CORIN: variants seen among roughly 807,000 people sequenced by gnomAD.
CORIN encodes the protein corin, serine peptidase.
A neutral mutation model predicts 125.3 loss-of-function variants in CORIN; 117 were observed. The observed-to-expected ratio is 0.93, with a 90% confidence interval of 0.80 to 1.09. The LOEUF is 1.09. Ranked by LOEUF, CORIN falls within the 50% of genes least tolerant of loss-of-function variation. CORIN has a pLI of 0.00. For missense variants in CORIN, 1,253 were observed against 1,306.7 expected, an observed-to-expected ratio of 0.96 and a Z score of 0.63; for synonymous variants, 450 against 466.4, an observed-to-expected ratio of 0.96 and a Z score of 0.45.
chr4:47,802,375 G>C (rs1391592858), intron 2 of CORIN, among the ~76,000 whole-genome samples: 2 of 152,266 alleles, frequency 1.3e-5, no homozygotes, highest in East Asian at 3.9e-4. Context: ...CCAGAGAGGA[G>C]TCCACTGTCC....
At position 47,595,583 on chromosome 4, in the gene CORIN, TG is replaced by T. The variant is rs1334354210; in HGVS notation, c.*137del. 1 of 530,426 alleles carries T rather than the reference TG, an allele frequency of 1.9e-6. No homozygotes were observed. Among genetic ancestry groups the T allele is most frequent in the African/African-American group, 1.9e-5 (1 of 51,630 alleles). The allele number at this position is 530,426 out of a possible 1,614,324, so 32.9% of individuals were successfully genotyped here. ...GAAAAAAATTAGTCCAAAACAAACA[TG>T]CAAATTTGCAGTGCACGATTGAGCA... On this transcript the variant is annotated 3_prime_UTR_variant, in exon 22 of 22. Coordinates refer to ENST00000273857, the MANE Select transcript of CORIN (RefSeq NM_006587.4).
chr4:47,616,756 T>C (rs536983951), intron 19 of CORIN, among the ~76,000 whole-genome samples: 1 of 152,308 alleles, frequency 6.6e-6, no homozygotes, highest in South Asian at 2.1e-4. Context: ...GGAATTTTTC[T>C]GTGAACAGTG....
At position 47,645,151 on chromosome 4, in the gene CORIN, T is replaced by A; in HGVS notation, c.1887A>T (p.Gln629His). 6.2e-7 allele frequency: 1 copy of A among 1,612,548 alleles called. No individual in the cohort carries two copies. Residue 629 changes from glutamine to histidine, a missense_variant, in exon 14 of 22, where the codon CAA (glutamine) becomes CAT (histidine). By Grantham distance (24) the Gln-to-His change is conservative (BLOSUM62 0). Coordinates refer to ENST00000273857, the MANE Select transcript of CORIN (RefSeq NM_006587.4). Reference protein sequence around the residue: ...RDLWECPSNKQCLKHTVICDG... With the variant: ...RDLWECPSNKHCLKHTVICDG... Reference sequence around the variant, plus strand: ...CGCAGATCACTGTGTGCTTCAAACATTGTTTATTGGATGGACATTCCCAAA... The same window carrying A: ...CGCAGATCACTGTGTGCTTCAAACAATGTTTATTGGATGGACATTCCCAAA...
intron 3 of CORIN, among the ~76,000 whole-genome samples, chr4:47,780,012 T>C (rs1368903680): frequency 6.6e-6 from 1 of 152,208 alleles, no homozygotes; most frequent in African/African-American, 2.4e-5. Context: ...AAAAGCTAGA[T>C]ATAAAGTGAA....
At chr4:47,669,713 T>C (rs747005450) in intron 10 of CORIN, among the ~76,000 whole-genome samples, 12 of 151,880 alleles carry the variant, frequency 7.9e-5, no homozygotes, top group South Asian at 4.2e-4. Context: ...GGACTACAGG[T>C]GCCCACCACC....
chr4:47,683,891 T>G, intron 6 of CORIN, 53 bp from the exon 7 acceptor site: 3 of 1,323,200 alleles, frequency 2.3e-6, no homozygotes, highest in Non-Finnish European at 3.2e-6. Context: ...AGAATGCTAT[T>G]GTAGTACGAT....
In CORIN at chr4:47,683,763, T is replaced by C; in HGVS notation, c.989A>G (p.Asp330Gly). The change falls in exon 7 of 22, where the codon GAC becomes GGC. Residue 330 changes from aspartate to glycine, a missense_variant. Coordinates refer to ENST00000273857, the MANE Select transcript of CORIN (RefSeq NM_006587.4). Reference sequence around the variant, plus strand: ...TTGCTCATCACTCAAATCCCCACAGTCATCATATCCATCACACACAAGGCT... The same window carrying C: ...TTGCTCATCACTCAAATCCCCACAGCCATCATATCCATCACACACAAGGCT... ...NYSLVCDGYD[D>G]CGDLSDEQNC... 1 of 1,613,770 alleles carries C rather than the reference T, an allele frequency of 6.2e-7. No individual in the cohort carries two copies. Among genetic ancestry groups the C allele is most frequent in the Non-Finnish European group, 8.5e-7 (1 of 1,179,766 alleles).
chr4:47,671,506 C>T (rs1332895891), intron 10 of CORIN, among the ~76,000 whole-genome samples: 1 of 152,204 alleles, frequency 6.6e-6, no homozygotes, highest in Non-Finnish European at 1.5e-5. Context: ...ATGCATATAT[C>T]ATCTTGAAGT....
At chr4:47,774,809 T>C (rs1311715632) in intron 3 of CORIN, among the ~76,000 whole-genome samples, 1 of 152,224 alleles carries the variant, frequency 6.6e-6, no homozygotes, top group East Asian at 1.9e-4. Context: ...TGATATGGTA[T>C]GCATGAAACT....
At chr4:47,816,317 G>T (rs1447958377) in intron 1 of CORIN, among the ~76,000 whole-genome samples, 1 of 152,130 alleles carries the variant, frequency 6.6e-6, no homozygotes, top group African/African-American at 2.4e-5. Context: ...CATATGTTTT[G>T]CTATAGTTCC....
Position 47,645,062 on chromosome 4 carries a change from A to T in CORIN, c.1957+19T>A. On this transcript the variant is annotated intron_variant, in intron 14 of 21. Coordinates refer to ENST00000273857, the MANE Select transcript of CORIN (RefSeq NM_006587.4). ...TTAAAATAAAAATGCTCTGTTGACA[A>T]ATTCGCATAAGCACTTACAGCAGTT... 1 of 1,440,498 alleles carries T rather than the reference A, an allele frequency of 6.9e-7. No individual in the cohort carries two copies. The highest frequency in any genetic ancestry group is 9.7e-7 in the Non-Finnish European group (1 of 1,031,894). The allele number at this position is 1,440,498 out of a possible 1,614,324, so 89.2% of individuals were successfully genotyped here.
At chr4:47,783,723 A>C (rs188239148) in intron 3 of CORIN, among the ~76,000 whole-genome samples, 4 of 152,216 alleles carry the variant, frequency 2.6e-5, no homozygotes, top group African/African-American at 9.6e-5. Flanking sequence ...ATTTTAAGTA[A>C]AACTGGTGAA....
chr4:47,611,347 T>C (rs1199062313), intron 19 of CORIN, among the ~76,000 whole-genome samples: 2 of 152,088 alleles, frequency 1.3e-5, no homozygotes, highest in African/African-American at 4.8e-5. Context: ...TTTTATTCTG[T>C]TTGTAGCAAT....
intron 3 of CORIN, among the ~76,000 whole-genome samples, chr4:47,764,702 C>T (rs1729627768): frequency 6.6e-6 from 1 of 152,046 alleles, no homozygotes; most frequent in Non-Finnish European, 1.5e-5. Context: ...TTACTTAGAG[C>T]TAATGTAGAG....
At chr4:47,722,749 G>T (rs2109800255) in intron 5 of CORIN, among the ~76,000 whole-genome samples, 1 of 152,222 alleles carries the variant, frequency 6.6e-6, no homozygotes, top group East Asian at 1.9e-4. Context: ...AAGATTCTAG[G>T]TCCAGTTAAA....
chr4:47,824,116 C>CTTT (rs199752598), intron 1 of CORIN, among the ~76,000 whole-genome samples: 1 of 139,282 alleles, frequency 7.2e-6, no homozygotes, highest in East Asian at 2.0e-4. Flanking sequence ...AATGCTATTC[C>CTTT]TTTTTTTTTT....
At chr4:47,794,506 T>G (rs1731210384) in intron 2 of CORIN, among the ~76,000 whole-genome samples, 1 of 152,212 alleles carries the variant, frequency 6.6e-6, no homozygotes. Context: ...AGAAATGTAA[T>G]TTTAAGCTAG....
At chr4:47,814,139 T>A (rs1732168209) in intron 1 of CORIN, among the ~76,000 whole-genome samples, 1 of 152,186 alleles carries the variant, frequency 6.6e-6, no homozygotes. Context: ...GCAAATATAC[T>A]CTTCCATTTC....
chr4:47,788,379 T>A (rs919312735), intron 2 of CORIN, among the ~76,000 whole-genome samples: 3 of 152,144 alleles, frequency 2.0e-5, no homozygotes, highest in African/African-American at 4.8e-5. Flanking sequence ...AGATCAACAG[T>A]TTCCTCTGCC....
Sources: allele counts gnomAD v4.1 joint callset (sites outside exome capture counted in the v4.1 genomes callset), GRCh38; gene constraint gnomAD v4.1.1; transcripts MANE v1.5; gene names NCBI Gene and HGNC (gene_info 2026-07-23, HGNC 2026-07-21).